CUL4B: variants seen among roughly 807,000 people sequenced by gnomAD.
CUL4B encodes the protein cullin-4B.
A neutral mutation model predicts 69.2 loss-of-function variants in CUL4B; 1 was observed. The ratio of observed to expected loss-of-function variants is 0.01; its 90% confidence interval spans 0.01 to 0.07. The LOEUF is 0.07. CUL4B is among the 10% of genes least tolerant of loss of function. CUL4B has a pLI of 1.00. For missense variants in CUL4B, 328 were observed against 638.8 expected, an observed-to-expected ratio of 0.51 and a Z score of 5.24; for synonymous variants, 237 against 223.2, an observed-to-expected ratio of 1.06 and a Z score of -0.55.
At chrX:120,534,731 A>T in intron 16 of CUL4B, 145 bp from the exon 17 acceptor site, 1 of 483,140 alleles carries the variant, frequency 2.1e-6, no homozygotes, top group Non-Finnish European at 3.7e-6. Context: ...ACGTGGTAAT[A>T]CAGTATTTCA....
intron 17 of CUL4B, 24 bp downstream of exon 17, chrX:120,534,457 G>C: frequency 9.8e-7 from 1 of 1,015,442 alleles, no homozygotes; most frequent in Non-Finnish European, 1.4e-6. Flanking sequence ...TGCACATAGT[G>C]AACAATTAAT....
At chrX:120,527,082 C>A (rs183674741) in intron 19 of CUL4B, among the ~76,000 whole-genome samples, 5 of 100,994 alleles carry the variant, frequency 5.0e-5, no homozygotes, top group African/African-American at 1.1e-4. Flanking sequence ...TTTTTTGAGA[C>A]GGAGTCTCGC....
In CUL4B at chrX:120,560,789, G is replaced by T. The variant is rs749508691; in HGVS notation, c.-151C>A. 8.4e-6 allele frequency: 3 copies of T among 358,485 alleles called. No homozygotes were observed. Among genetic ancestry groups the T allele is most frequent in the Non-Finnish European group, 1.2e-5 (3 of 260,583 alleles). The allele number at this position is 358,485 out of a possible 1,213,427, so 29.5% of individuals were successfully genotyped here. On this transcript the variant is annotated 5_prime_UTR_variant, in exon 1 of 20. Coordinates refer to ENST00000371322, the MANE Select transcript of CUL4B (RefSeq NM_001079872.2). ...GGACGAGAAGGAAAGTGAAGGGGGG[G>T]GCTACACCGGGGGAATGGGAGGGTT... is the stretch of plus-strand genomic sequence containing the variant.
chrX:120,535,998 C>T (rs1465921315), intron 15 of CUL4B, 55 bp from the exon 16 acceptor site: 8 of 853,767 alleles, frequency 9.4e-6, no homozygotes, highest in African/African-American at 6.0e-5. Flanking sequence ...ACCACATTTA[C>T]CATTTTTATA....
downstream of CUL4B, among the ~76,000 whole-genome samples, chrX:120,567,594 C>T (rs1369619041): frequency 9.2e-6 from 1 of 108,258 alleles, no homozygotes; most frequent in African/African-American, 3.4e-5. Context: ...AGCTCTTGGC[C>T]AGGTGCGGTG....
intron 2 of CUL4B, among the ~76,000 whole-genome samples, chrX:120,572,451 G>A (rs1253798303): frequency 3.2e-5 from 2 of 62,796 alleles, no homozygotes; most frequent in Non-Finnish European, 5.6e-5. Flanking sequence ...TGAGCAACAA[G>A]AGCAAAACTC....
chrX:120,529,463 C>T (rs1390125160), intron 19 of CUL4B, among the ~76,000 whole-genome samples: 1 of 111,616 alleles, frequency 9.0e-6, no homozygotes, highest in African/African-American at 3.3e-5. Flanking sequence ...AGCTAGCAGT[C>T]TATTCAAACT....
chrX:120,560,287 C>G lies in CUL4B; in HGVS notation c.352G>C (p.Glu118Gln), dbSNP rs774268469. 1 of 1,211,645 alleles carries G rather than the reference C, an allele frequency of 8.3e-7. No homozygotes were observed. Among genetic ancestry groups the G allele is most frequent in the East Asian group, 3.0e-5 (1 of 33,842 alleles). Residue 118 changes from glutamate to glutamine, a missense_variant, in exon 1 of 20, where the codon GAG (glutamate) becomes CAG (glutamine). Around this residue, in one of 4 missense-constraint regions of CUL4B, gnomAD observed 102 missense variants for 122.1 expected, o/e 0.84. Transcript: ENST00000371322. ...GAGGAGGAGGAGGAGGAGGATTCCT[C>G]AGCCATCTTCGCATCAAACCCTACA... ...EFVGFDAKMAEESSSSSSSSS... is the reference protein window; with the variant it reads ...EFVGFDAKMAQESSSSSSSSS...
At chrX:120,532,807 G>A (rs920836902) in intron 17 of CUL4B, among the ~76,000 whole-genome samples, 3 of 110,897 alleles carry the variant, frequency 2.7e-5, no homozygotes, top group Non-Finnish European at 5.7e-5. Context: ...ATGTTGCCCA[G>A]GCTGGTCTCA....
chrX:120,539,941 T>C (rs963700642), intron 11 of CUL4B, among the ~76,000 whole-genome samples: 3 of 111,605 alleles, frequency 2.7e-5, no homozygotes, highest in Admixed American at 9.6e-5. Flanking sequence ...TGGAAAAACC[T>C]GAGAAGCACT....
At position 120,559,663 on chromosome X, in the gene CUL4B, A is replaced by C. The variant is rs181581551; in HGVS notation, c.556+420T>G. ...TAAAAAGATCACTATTGCTACCTGC[A>C]TTTCTAGGCATTGGATAATGTGGCC... On this transcript the variant is annotated intron_variant, in intron 1 of 19. Coordinates refer to ENST00000371322, the MANE Select transcript of CUL4B (RefSeq NM_001079872.2). The C allele has an allele frequency of 3.8e-3, 1,601 of 417,829 alleles. 1 individual carries two copies. Among genetic ancestry groups the C allele is most frequent in the Non-Finnish European group, 5.4e-3 (1,432 of 266,806 alleles). 34.4% of individuals were successfully genotyped at this position (417,829 alleles called of 1,213,427 possible). A position where few individuals can be genotyped will look rare whatever the true frequency, so the allele number is the denominator to read the frequency against.
chrX:120,543,523 CACACACA>C (rs748785719), intron 8 of CUL4B, among the ~76,000 whole-genome samples, 197 bp downstream of exon 8: 1 of 109,912 alleles, frequency 9.1e-6, no homozygotes, highest in African/African-American at 3.3e-5. Context: ...CACACACACA[CACACACA>C]CACCCCTAAT....
At chrX:120,551,004 G>A (rs1924654416) in intron 2 of CUL4B, among the ~76,000 whole-genome samples, 1 of 111,542 alleles carries the variant, frequency 9.0e-6, no homozygotes, top group Admixed American at 9.5e-5. Context: ...GGGGACTGGA[G>A]GATGGGGTGG....
downstream of CUL4B, among the ~76,000 whole-genome samples, chrX:120,570,207 T>A (rs751902328): frequency 5.4e-5 from 6 of 111,215 alleles, no homozygotes; most frequent in South Asian, 2.3e-3. Flanking sequence ...CTCTTAGATA[T>A]AGGAGGTGAG....
chrX:120,527,738 G>T (rs1160281672), intron 19 of CUL4B, among the ~76,000 whole-genome samples: 6 of 111,928 alleles, frequency 5.4e-5, no homozygotes, highest in Non-Finnish European at 9.4e-5. Context: ...GTAAAGTGTG[G>T]AATTTTCCAC....
In CUL4B at chrX:120,545,494, C is replaced by CA. The variant is rs1556216330; in HGVS notation, c.869dup (p.Leu290PhefsTer5). On this transcript the variant is annotated frameshift_variant, in exon 5 of 20. Coordinates refer to ENST00000371322, the MANE Select transcript of CUL4B (RefSeq NM_001079872.2). LOFTEE classifies it high-confidence loss of function. ...GAAGAACGTAAGTTCTATCCAGAAA[C>CA]AAAAAAATGCTCCTGATCATGATCT... is the stretch of plus-strand genomic sequence containing the variant. 1.7e-6 allele frequency: 2 copies of CA among 1,169,588 alleles called. No individual in the cohort carries two copies. The highest frequency in any genetic ancestry group is 3.0e-5 in the East Asian group (1 of 33,036).
At position 120,526,508 on chromosome X, in the gene CUL4B, C is replaced by T. The variant is rs1458030711; in HGVS notation, c.*253G>A. ...AAGAGGAATTCATGAAGACCAGGTA[C>T]GTTCTTAAGTGTTTTCTGCACATCA... On this transcript the variant is annotated 3_prime_UTR_variant, in exon 20 of 20. Transcript: ENST00000371322. The T allele has an allele frequency of 1.4e-5, 3 of 221,119 alleles. No homozygotes were observed. The highest frequency in any genetic ancestry group is 3.0e-5 in the African/African-American group (1 of 33,837). 18.2% of individuals were successfully genotyped at this position (221,119 alleles called of 1,213,427 possible).
At chrX:120,554,566 G>C (rs752102639) in intron 2 of CUL4B, among the ~76,000 whole-genome samples, 3 of 112,311 alleles carry the variant, frequency 2.7e-5, no homozygotes, top group Non-Finnish European at 5.6e-5. Context: ...ACTTAGAACA[G>C]CATGTTCTTT....
At chrX:120,547,483 C>T (rs1014495799) in intron 2 of CUL4B, among the ~76,000 whole-genome samples, 2 of 111,893 alleles carry the variant, frequency 1.8e-5, no homozygotes, top group Admixed American at 1.9e-4. Context: ...AATCTGAAAT[C>T]CAAAAAGCTC....
Sources: gnomAD v4.1 joint callset for allele counts (sites outside exome capture counted in the v4.1 genomes callset) on GRCh38, gnomAD v4.1.1 for gene constraint, gnomAD v4.1.1 regional missense constraint, MANE v1.5 for transcripts, NCBI Gene and HGNC (gene_info 2026-07-23, HGNC 2026-07-21) for gene names.